Variants in GLS observed in about 807,000 individuals in gnomAD.
The protein encoded by GLS is glutaminase, also known as glutaminase kidney isoform, mitochondrial.
Under a neutral mutation model 86.7 loss-of-function variants are expected in GLS, and 36 were observed. The ratio of observed to expected loss-of-function variants is 0.42; its 90% CI spans 0.32 to 0.55. The LOEUF (loss-of-function observed/expected upper bound fraction) is 0.55. GLS is among the 20% of genes least tolerant of loss of function. The probability of loss-of-function intolerance (pLI) is 0.17; values close to 1 mark genes in which losing one functional copy is unlikely to be tolerated. For synonymous variants in GLS, 317 were observed against 305.9 expected (o/e 1.04, Z -0.38); for missense variants, 528 against 833.4 (o/e 0.63, Z 4.51).
intron 5 of GLS, among the ~76,000 whole-genome samples, chr2:190,903,535 G>A (rs952130980): frequency 1.3e-5 from 2 of 152,040 alleles, no homozygotes; most frequent in Admixed American, 6.6e-5. Context: ...TCCTGTTTTT[G>A]CATTTTAGGA....
At chr2:190,896,440 A>G (rs1270157448) in intron 3 of GLS, 1 of 152,252 alleles carries the variant, frequency 6.6e-6, no homozygotes, top group African/African-American at 2.4e-5. Context: ...CTATTTAAGT[A>G]GAAACTAGTA....
At position 190,935,508 on chromosome 2, in the gene GLS, T is replaced by C. The variant is rs1006063697; in HGVS notation, c.1650+3871T>C. Among the ~76,000 whole-genome samples the C allele has an allele frequency of 4.6e-5, 7 of 151,326 alleles. No individual in the cohort carries two copies. Among genetic ancestry groups the C allele is most frequent in the Non-Finnish European group, 8.9e-5 (6 of 67,350 alleles). ...ATGCAATATAGCATTAGTGGTTTTTTTGGGAGGAGGACTTTTCTTATTGGT... is the reference window on the plus strand; with the variant it reads ...ATGCAATATAGCATTAGTGGTTTTTCTGGGAGGAGGACTTTTCTTATTGGT... On this transcript the variant is annotated intron_variant, in intron 14 of 17. Coordinates refer to ENST00000320717, the MANE Select transcript of GLS (RefSeq NM_014905.5). The surrounding 1 kb of genome is among the most constrained non-coding windows in gnomAD (Gnocchi z 4.2).
Position 190,954,370 on chromosome 2 carries a change from C to T in GLS, c.1713-214C>T, listed in dbSNP as rs1002140616. On this transcript the variant is annotated intron_variant, in intron 15 of 17. Coordinates refer to ENST00000320717, the MANE Select transcript of GLS (RefSeq NM_014905.5). This position sits in a 1 kb window ranked among gnomAD's most constrained non-coding sequence, Gnocchi z 4.0. ...CTGTGAGAGATGGTTAACATTTAAT[C>T]TTACCTAAAAAAAAGCAAAGCTGAG... Among the ~76,000 whole-genome samples, 2 of 151,946 alleles carry T rather than the reference C, an allele frequency of 1.3e-5. No homozygotes were observed. The highest frequency in any genetic ancestry group is 2.9e-5 in the Non-Finnish European group (2 of 68,014).
At chr2:190,945,707 A>G (rs1690562541) in intron 14 of GLS, among the ~76,000 whole-genome samples, 4 of 152,086 alleles carry the variant, frequency 2.6e-5, no homozygotes, top group African/African-American at 9.7e-5. Flanking sequence ...TATGCTTTTA[A>G]GGGAGTTTAT....
rs1158846720 is a variant in GLS at position 190,950,476 on chromosome 2, A to G, written c.1651-3089A>G. 3.3e-5 allele frequency among the ~76,000 whole-genome samples: 5 copies of G among 152,280 alleles called. No individual in the cohort carries two copies. The East Asian group carries it at 7.7e-4, about 23-fold the overall frequency. Reference sequence around the variant, plus strand: ...TTGCAGGAAAGAGGATTTATTGATGAGCTAGATGTGGGCTGTGAGAGAAAG... The same window carrying G: ...TTGCAGGAAAGAGGATTTATTGATGGGCTAGATGTGGGCTGTGAGAGAAAG... On this transcript the variant is annotated intron_variant, in intron 14 of 17. Coordinates refer to ENST00000320717, the MANE Select transcript of GLS (RefSeq NM_014905.5).
chr2:190,932,119 C>T (rs1028182892), intron 14 of GLS, among the ~76,000 whole-genome samples: 1 of 151,946 alleles, frequency 6.6e-6, no homozygotes, highest in African/African-American at 2.4e-5. Flanking sequence ...CCGTATGAAG[C>T]CTCAAAAGTT....
intron 4 of GLS, 98 bp from the exon 5 acceptor site, chr2:190,901,849 T>G (rs908051388): frequency 1.3e-6 from 1 of 758,542 alleles, no homozygotes; most frequent in Non-Finnish European, 2.4e-6. Flanking sequence ...AACTAGTCAT[T>G]GGTAGAAGGT....
intron 9 of GLS, among the ~76,000 whole-genome samples, chr2:190,922,484 CAT>C (rs994194452): frequency 2.0e-5 from 3 of 152,014 alleles, no homozygotes; most frequent in Non-Finnish European, 4.4e-5. Context: ...CTTCTGTTAC[CAT>C]ATTTTATCAA....
intron 5 of GLS, among the ~76,000 whole-genome samples, chr2:190,902,933 T>C (rs144238665): frequency 1.2e-4 from 18 of 152,334 alleles, no homozygotes; most frequent in African/African-American, 4.3e-4. Flanking sequence ...GAAAAGTTTA[T>C]ATCAGAGTTG....
chr2:190,934,170 TG>T (rs1690196413), intron 14 of GLS: 1 of 983,020 alleles, frequency 1.0e-6, no homozygotes, highest in Non-Finnish European at 1.2e-6. Context: ...AAAAACTTGG[TG>T]GTTTCTTAGC....
At chr2:190,948,489 T>G (rs1324217221) in intron 14 of GLS, among the ~76,000 whole-genome samples, 1 of 152,228 alleles carries the variant, frequency 6.6e-6, no homozygotes, top group Admixed American at 6.5e-5. Context: ...ACACATACTA[T>G]AATAAAATCT....
At position 190,951,320 on chromosome 2, in the gene GLS, AGT is replaced by A. The variant is rs1053740364; in HGVS notation, c.1651-2241_1651-2240del. Among the ~76,000 whole-genome samples the A allele has an allele frequency of 1.3e-5, 2 of 152,128 alleles. No homozygotes were observed. The highest frequency in any genetic ancestry group is 2.1e-4 in the South Asian group (1 of 4,824). ...AGAGCGCTGTTTAGAGGTAACAATG[AGT>A]GTGAAGGTAATTTTCAGGGAATTAA... On this transcript the variant is annotated intron_variant, in intron 14 of 17. Coordinates refer to ENST00000320717, the MANE Select transcript of GLS (RefSeq NM_014905.5). The surrounding 1 kb of genome is among the most constrained non-coding windows in gnomAD (Gnocchi z 4.2).
chr2:190,934,762 A>G (rs562702951), intron 14 of GLS: 9 of 972,558 alleles, frequency 9.3e-6, no homozygotes, highest in African/African-American at 8.8e-5. Context: ...TTGTGTTGGT[A>G]ATGCTTTAAA....
chr2:190,952,085 G>T (rs1455071561), intron 14 of GLS, among the ~76,000 whole-genome samples: 1 of 152,288 alleles, frequency 6.6e-6, no homozygotes, highest in Non-Finnish European at 1.5e-5. Context: ...TCCCTAAAAT[G>T]TATCGGATTG....
intron 7 of GLS, 132 bp downstream of exon 7, chr2:190,910,453 T>TG: frequency 1.8e-6 from 1 of 567,832 alleles, no homozygotes; most frequent in South Asian, 2.6e-5. Flanking sequence ...ATTTGTCTTA[T>TG]GGTATAGTGT....
chr2:190,910,039 T>TA (rs537892783), intron 6 of GLS, among the ~76,000 whole-genome samples: 21 of 150,904 alleles, frequency 1.4e-4, no homozygotes, highest in Non-Finnish European at 2.1e-4. Context: ...CTTTGGCTCT[T>TA]AAAAAAAAAA....
intron 9 of GLS, among the ~76,000 whole-genome samples, chr2:190,923,156 C>T (rs1056918454): frequency 6.6e-6 from 1 of 152,156 alleles, no homozygotes; most frequent in Non-Finnish European, 1.5e-5. Context: ...TCTTTTTCCC[C>T]TTTTTCAAAC....
chr2:190,949,364 G>GA lies in GLS; in HGVS notation c.1651-4199dup, dbSNP rs750167577. ...GAAGCAGAGGCATCAGTTAATGATT[G>GA]AATAAATCTTGTAATGATATTCAAA... On this transcript the variant is annotated intron_variant, in intron 14 of 17. Transcript: ENST00000320717. The surrounding 1 kb of genome is among the most constrained non-coding windows in gnomAD (Gnocchi z 4.0). Among the ~76,000 whole-genome samples the GA allele has an allele frequency of 6.6e-6, 1 of 152,104 alleles. No individual in the cohort carries two copies. Among genetic ancestry groups the GA allele is most frequent in the Non-Finnish European group, 1.5e-5 (1 of 68,016 alleles).
chr2:190,910,251 T>A lies in GLS; in HGVS notation c.980-12T>A. On this transcript the variant is annotated splice_polypyrimidine_tract_variant and intron_variant, in intron 6 of 17. Coordinates refer to ENST00000320717, the MANE Select transcript of GLS (RefSeq NM_014905.5). ...GTATTTGAAATAATGGTATTGCTTTTATATTTTACAGATAAACCACATAAT... is the reference window on the plus strand; with the variant it reads ...GTATTTGAAATAATGGTATTGCTTTAATATTTTACAGATAAACCACATAAT... 1 of 1,434,692 alleles carries A rather than the reference T, an allele frequency of 7.0e-7. No individual in the cohort carries two copies. The highest frequency in any genetic ancestry group is 9.7e-7 in the Non-Finnish European group (1 of 1,027,904). The allele number at this position is 1,434,692 out of a possible 1,614,324, so 88.9% of individuals were successfully genotyped here. A position where few individuals can be genotyped will look rare whatever the true frequency, so the allele number is the denominator to read the frequency against.
Sources: allele counts gnomAD v4.1 joint callset (sites outside exome capture counted in the v4.1 genomes callset), GRCh38; gene constraint gnomAD v4.1.1; non-coding constraint Gnocchi (gnomAD v3.1); transcripts MANE v1.5; gene names NCBI Gene and HGNC (gene_info 2026-07-23, HGNC 2026-07-21).